OPCML: variants seen among roughly 807,000 people sequenced by gnomAD.
The protein encoded by OPCML is opioid-binding protein/cell adhesion molecule.
A neutral mutation model predicts 37.8 loss-of-function variants in OPCML; 13 were observed. That is an observed-to-expected ratio of 0.34 (90% CI 0.22 to 0.55). OPCML has a LOEUF of 0.55. OPCML is among the 20% of genes least tolerant of loss of function. The probability of loss-of-function intolerance (pLI) is 0.91; values close to 1 mark genes in which losing one functional copy is unlikely to be tolerated. For synonymous variants in OPCML, 176 were observed against 168.8 expected (o/e 1.04, Z -0.33); for missense variants, 341 against 435.6 (o/e 0.78, Z 1.93).
chr11:133,169,463 T>C (rs1950259161), intron 1 of OPCML, among the ~76,000 whole-genome samples: 1 of 152,220 alleles, frequency 6.6e-6, no homozygotes, highest in South Asian at 2.1e-4. Context: ...AAAATCTAAC[T>C]TCAGAGAGCC....
intron 2 of OPCML, among the ~76,000 whole-genome samples, chr11:132,876,062 T>C (rs1039181043): frequency 2.0e-5 from 3 of 152,198 alleles, no homozygotes; most frequent in African/African-American, 7.2e-5. Flanking sequence ...TAAAAAGAAA[T>C]GCAAACCACA....
At chr11:133,292,539 T>A (rs1031206902) in intron 1 of OPCML, among the ~76,000 whole-genome samples, 1 of 152,146 alleles carries the variant, frequency 6.6e-6, no homozygotes, top group Non-Finnish European at 1.5e-5. Flanking sequence ...TAACCTGAAG[T>A]AGAATGTTAC....
intron 1 of OPCML, among the ~76,000 whole-genome samples, chr11:133,249,148 T>A (rs1181004277): frequency 1.3e-5 from 2 of 152,180 alleles, no homozygotes; most frequent in African/African-American, 4.8e-5. Context: ...GGGGGTAATT[T>A]ATAAAGAAAA....
intron 1 of OPCML, among the ~76,000 whole-genome samples, chr11:133,020,629 A>C (rs1947433079): frequency 6.6e-6 from 1 of 152,144 alleles, no homozygotes; most frequent in African/African-American, 2.4e-5. Context: ...GGATTAGAGA[A>C]AAAGTGAGTA....
chr11:132,681,310 G>T (rs1473296797), intron 2 of OPCML, among the ~76,000 whole-genome samples: 1 of 152,254 alleles, frequency 6.6e-6, no homozygotes, highest in Non-Finnish European at 1.5e-5. Context: ...GGCCTGCCCT[G>T]CCCCCTGTCC....
intron 1 of OPCML, among the ~76,000 whole-genome samples, chr11:133,368,644 CTTTT>C (rs1190682979): frequency 3.3e-5 from 5 of 152,142 alleles, no homozygotes; most frequent in Non-Finnish European, 5.9e-5. Context: ...GACTTTTTAT[CTTTT>C]TTATCTACAT....
intron 4 of OPCML, among the ~76,000 whole-genome samples, chr11:132,484,301 A>G (rs936891165): frequency 1.3e-5 from 2 of 152,370 alleles, no homozygotes; most frequent in South Asian, 4.1e-4. Context: ...TATGCAGCCA[A>G]AAAACACATG....
chr11:132,567,128 C>A (rs1176256846), intron 3 of OPCML, among the ~76,000 whole-genome samples: 2 of 148,718 alleles, frequency 1.3e-5, no homozygotes, highest in African/African-American at 4.9e-5. Context: ...ACAGTAAGGA[C>A]ACAGACAGTC....
chr11:132,530,264 C>G (rs1364219091), intron 3 of OPCML, among the ~76,000 whole-genome samples: 1 of 152,098 alleles, frequency 6.6e-6, no homozygotes, highest in Admixed American at 6.6e-5. Context: ...CCTAAAATGA[C>G]ACTTGGTCTT....
intron 4 of OPCML, among the ~76,000 whole-genome samples, chr11:132,462,833 C>T (rs1157439146): frequency 1.3e-5 from 2 of 152,160 alleles, no homozygotes; most frequent in Admixed American, 6.5e-5. Context: ...TAGAAGGCAA[C>T]ACTCAAGTTT....
chr11:133,346,869 T>C (rs1185526379), intron 1 of OPCML, among the ~76,000 whole-genome samples: 1 of 152,200 alleles, frequency 6.6e-6, no homozygotes, highest in Non-Finnish European at 1.5e-5. Context: ...GTTGTTTCTG[T>C]GTGAGTTTTT....
chr11:133,408,411 G>A (rs571666682), intron 1 of OPCML, among the ~76,000 whole-genome samples: 33 of 152,294 alleles, frequency 2.2e-4, no homozygotes, highest in African/African-American at 2.6e-4. Context: ...GAAAGATGGC[G>A]GGCTTGCTGA....
chr11:132,837,312 T>G (rs11223240), intron 2 of OPCML, among the ~76,000 whole-genome samples: 41,431 of 151,322 alleles, frequency 0.27, 6,491 homozygotes, highest in Non-Finnish European at 0.37. Flanking sequence ...AAATTCCATC[T>G]CAAAAACAAA....
At chr11:133,098,152 C>T (rs1227701560) in intron 1 of OPCML, among the ~76,000 whole-genome samples, 5 of 150,694 alleles carry the variant, frequency 3.3e-5, no homozygotes, top group Admixed American at 6.6e-5. Context: ...CAACAATGTA[C>T]AGAAAGAAAT....
chr11:133,371,999 G>A (rs1018522624), intron 1 of OPCML, among the ~76,000 whole-genome samples: 3 of 152,080 alleles, frequency 2.0e-5, no homozygotes, highest in Non-Finnish European at 4.4e-5. Flanking sequence ...AGAGTGGAAT[G>A]ATAGATACCA....
rs546967423 is a variant in OPCML at position 133,118,247 on chromosome 11, T to C, written c.62-175237A>G. 25 of 985,418 alleles carry C rather than the reference T, an allele frequency of 2.5e-5. No individual in the cohort carries two copies. The African/African-American group carries it at 3.7e-4, about 14-fold the overall frequency. The allele number at this position is 985,418 out of a possible 1,614,324, so 61.0% of individuals were successfully genotyped here. A position where few individuals can be genotyped will look rare whatever the true frequency, so the allele number is the denominator to read the frequency against. ...TCTCTACTGACATAGCTGGGATATA[T>C]GTCTGTCCTGGGCTTTGTTCACATC... On this transcript the variant is annotated intron_variant, in intron 1 of 7. Transcript: ENST00000524381.
intron 1 of OPCML, among the ~76,000 whole-genome samples, chr11:133,154,979 C>G (rs779180609): frequency 6.6e-6 from 1 of 152,084 alleles, no homozygotes; most frequent in African/African-American, 2.4e-5. Context: ...TAGAGTGCAA[C>G]CTGTTTATCC....
intron 1 of OPCML, among the ~76,000 whole-genome samples, chr11:133,145,272 G>A (rs138309088): frequency 7.1e-4 from 108 of 152,280 alleles, no homozygotes; most frequent in Non-Finnish European, 1.2e-3. Flanking sequence ...GTGGAGGAGA[G>A]TGGCCATATC....
chr11:133,004,910 G>C, intron 1 of OPCML: 1 of 985,354 alleles, frequency 1.0e-6, no homozygotes, highest in Non-Finnish European at 1.2e-6. Context: ...ACTAGCTTCT[G>C]TGGACTTCTC....
Sources: gnomAD v4.1 joint callset for allele counts (sites outside exome capture counted in the v4.1 genomes callset) on GRCh38, gnomAD v4.1.1 for gene constraint, MANE v1.5 for transcripts, NCBI Gene and HGNC (gene_info 2026-07-23, HGNC 2026-07-21) for gene names.